HTR1F: variants seen among roughly 807,000 people sequenced by gnomAD.
HTR1F encodes the protein 5-hydroxytryptamine (serotonin) receptor 1F, G protein-coupled.
A neutral mutation model predicts 24.0 loss-of-function variants in HTR1F; 17 were observed. The ratio of observed to expected loss-of-function variants is 0.71; its 90% CI spans 0.48 to 1.06. The LOEUF (loss-of-function observed/expected upper bound fraction) is 1.06, where lower values mean the gene tolerates loss of function less well. Among genes scored for constraint, HTR1F ranks in the 50% least tolerant of loss-of-function variants. The probability of loss-of-function intolerance (pLI) is 0.00; values close to 1 mark genes in which losing one functional copy is unlikely to be tolerated. For synonymous variants in HTR1F, 186 were observed against 156.8 expected (o/e 1.19, Z -1.39); for missense variants, 391 against 427.8 (o/e 0.91, Z 0.76).
intron 2 of HTR1F, among the ~76,000 whole-genome samples, chr3:87,908,407 C>A (rs910628220): frequency 4.0e-5 from 6 of 151,860 alleles, no homozygotes; most frequent in African/African-American, 1.4e-4. Context: ...CTTCTCGGTA[C>A]CTTATTCCCA....
chr3:87,958,950 G>A (rs2107475041), intron 2 of HTR1F, among the ~76,000 whole-genome samples: 1 of 151,742 alleles, frequency 6.6e-6, no homozygotes, highest in Middle Eastern at 3.4e-3. Flanking sequence ...ACTTTCAACT[G>A]ATTGTCAGAT....
At chr3:87,816,238 G>T (rs753784915) in intron 1 of HTR1F, among the ~76,000 whole-genome samples, 3 of 151,946 alleles carry the variant, frequency 2.0e-5, no homozygotes, top group Non-Finnish European at 4.4e-5. Flanking sequence ...TTATCACTTG[G>T]CAGCATTTGA....
At chr3:87,897,282 C>A (rs1001178103) in intron 2 of HTR1F, among the ~76,000 whole-genome samples, 1 of 148,924 alleles carries the variant, frequency 6.7e-6, no homozygotes, top group Non-Finnish European at 1.5e-5. Context: ...GAAGATTATA[C>A]CATTTGCTAC....
intron 2 of HTR1F, among the ~76,000 whole-genome samples, chr3:87,891,944 C>A (rs1347200614): frequency 6.6e-6 from 1 of 152,168 alleles, no homozygotes; most frequent in African/African-American, 2.4e-5. Context: ...AAGGCAAGCT[C>A]ATGTTCCTGT....
At chr3:87,908,800 A>G (rs1245579509) in intron 2 of HTR1F, among the ~76,000 whole-genome samples, 1 of 152,038 alleles carries the variant, frequency 6.6e-6, no homozygotes, top group Non-Finnish European at 1.5e-5. Context: ...GAAACTTGCT[A>G]TTTCTCAGTG....
intron 1 of HTR1F, among the ~76,000 whole-genome samples, chr3:87,799,130 G>T (rs1490276611): frequency 6.6e-6 from 1 of 152,184 alleles, no homozygotes; most frequent in African/African-American, 2.4e-5. Flanking sequence ...GTCCATCAGT[G>T]AGAGTTGGGA....
intron 2 of HTR1F, among the ~76,000 whole-genome samples, chr3:87,905,385 C>T (rs1214558224): frequency 4.0e-5 from 6 of 151,464 alleles, no homozygotes; most frequent in Non-Finnish European, 8.8e-5. Context: ...CATTAACTGA[C>T]TCATCCAAAT....
At chr3:87,911,084 CA>C (rs376118612) in intron 2 of HTR1F, among the ~76,000 whole-genome samples, 119 of 151,302 alleles carry the variant, frequency 7.9e-4, no homozygotes, top group African/African-American at 2.6e-3. Flanking sequence ...AAAAGCAAAC[CA>C]AAAAGCTAGC....
intron 2 of HTR1F, among the ~76,000 whole-genome samples, chr3:87,950,735 C>T (rs1049897099): frequency 1.3e-5 from 2 of 152,136 alleles, no homozygotes; most frequent in African/African-American, 4.8e-5. Flanking sequence ...TGTATATATG[C>T]TGCTTAGAAA....
chr3:87,905,322 A>C (rs1703637400), intron 2 of HTR1F, among the ~76,000 whole-genome samples: 1 of 151,986 alleles, frequency 6.6e-6, no homozygotes, highest in African/African-American at 2.4e-5. Context: ...AACAAACAAA[A>C]AAAAAGTTTG....
chr3:87,916,135 T>C (rs1264978903), intron 2 of HTR1F, among the ~76,000 whole-genome samples: 1 of 151,916 alleles, frequency 6.6e-6, no homozygotes, highest in Admixed American at 6.6e-5. Flanking sequence ...AAAGATACAG[T>C]CTTTTTCAGA....
chr3:87,987,920 T>C (rs1705710235), intron 2 of HTR1F, among the ~76,000 whole-genome samples: 2 of 149,278 alleles, frequency 1.3e-5, no homozygotes, highest in Non-Finnish European at 3.0e-5. Flanking sequence ...AATGTAAAAA[T>C]GAGAGACACT....
intron 1 of HTR1F, among the ~76,000 whole-genome samples, chr3:87,810,615 G>T (rs1352283724): frequency 6.6e-6 from 1 of 152,036 alleles, no homozygotes; most frequent in Non-Finnish European, 1.5e-5. Context: ...ATCCTCTGTG[G>T]CTTCCATCAA....
At chr3:87,933,591 A>T (rs1389319915) in intron 2 of HTR1F, among the ~76,000 whole-genome samples, 3 of 152,242 alleles carry the variant, frequency 2.0e-5, no homozygotes, top group East Asian at 3.9e-4. Context: ...TCATGAGTGA[A>T]CTCCCATTCA....
At chr3:87,880,369 T>C (rs897723672) in intron 2 of HTR1F, among the ~76,000 whole-genome samples, 1 of 152,128 alleles carries the variant, frequency 6.6e-6, no homozygotes, top group African/African-American at 2.4e-5. Flanking sequence ...TCACCAAAAT[T>C]AATCAGCTCT....
At chr3:87,814,249 T>G (rs1022074821) in intron 1 of HTR1F, among the ~76,000 whole-genome samples, 3 of 152,204 alleles carry the variant, frequency 2.0e-5, no homozygotes, top group African/African-American at 7.2e-5. Context: ...TAATCTGTCT[T>G]AATTTATTTC....
At chr3:87,846,488 A>G (rs754353687) in intron 2 of HTR1F, among the ~76,000 whole-genome samples, 4 of 151,936 alleles carry the variant, frequency 2.6e-5, no homozygotes, top group African/African-American at 4.9e-5. Flanking sequence ...TAGAATACCA[A>G]CTTTATACAA....
At chr3:87,845,417 C>T (rs956102167) in intron 2 of HTR1F, among the ~76,000 whole-genome samples, 1 of 150,068 alleles carries the variant, frequency 6.7e-6, no homozygotes, top group Non-Finnish European at 1.5e-5. Flanking sequence ...GCAAAAATCA[C>T]AAGCATTCCT....
At chr3:87,873,234 AG>A (rs953193281) in intron 2 of HTR1F, among the ~76,000 whole-genome samples, 1 of 152,062 alleles carries the variant, frequency 6.6e-6, no homozygotes, top group African/African-American at 2.4e-5. Flanking sequence ...TAGAAACGCC[AG>A]TAGTATAATT....
Sources: allele counts gnomAD v4.1 joint callset (sites outside exome capture counted in the v4.1 genomes callset), GRCh38; gene constraint gnomAD v4.1.1; transcripts MANE v1.5; gene names NCBI Gene and HGNC (gene_info 2026-07-23, HGNC 2026-07-21).